Variants in CDCA2 observed in about 807,000 individuals in gnomAD.
CDCA2 encodes the protein cell division cycle-associated protein 2.
CDCA2 carries 44 observed loss-of-function variants against 67.0 expected under a neutral mutation model. The ratio of observed to expected loss-of-function variants is 0.66; its 90% confidence interval spans 0.52 to 0.84. The LOEUF (loss-of-function observed/expected upper bound fraction) is 0.84. CDCA2 is among the 40% of genes least tolerant of loss of function. The probability of loss-of-function intolerance (pLI) is 0.00; values close to 1 mark genes in which losing one functional copy is unlikely to be tolerated. For missense variants in CDCA2, 1,253 were observed against 1,203.2 expected, an observed-to-expected ratio of 1.04 and a Z score of -0.61; for synonymous variants, 447 against 418.7, an observed-to-expected ratio of 1.07 and a Z score of -0.82.
intron 8 of CDCA2, among the ~76,000 whole-genome samples, chr8:25,482,909 T>C (rs908700573): frequency 6.6e-6 from 1 of 152,122 alleles, no homozygotes; most frequent in Non-Finnish European, 1.5e-5. Context: ...TTACATGACA[T>C]TTACATTGTA....
chr8:25,467,048 AAAAAAAAAAAAAAAAAAAC>A (rs1215493129), intron 5 of CDCA2, among the ~76,000 whole-genome samples: 2 of 137,466 alleles, frequency 1.5e-5, no homozygotes, highest in Non-Finnish European at 3.1e-5. Flanking sequence ...TTTCAAAAAA[AAAAAAAAAAAAAAAAAAAC>A]ACACACACAC....
chr8:25,476,762 C>T (rs934885426), intron 7 of CDCA2, among the ~76,000 whole-genome samples: 3 of 151,884 alleles, frequency 2.0e-5, no homozygotes, highest in South Asian at 2.1e-4. Context: ...CCATGTTGGC[C>T]GGGCTGCTCT....
intron 7 of CDCA2, among the ~76,000 whole-genome samples, chr8:25,476,071 A>G (rs569066826): frequency 1.3e-5 from 2 of 152,300 alleles, no homozygotes; most frequent in Middle Eastern, 3.4e-3. Flanking sequence ...AAAGTTTCTT[A>G]CCACTTGTTT....
At position 25,507,610 on chromosome 8, in the gene CDCA2, A is replaced by G. The variant is rs1563289751; in HGVS notation, c.2944A>G (p.Thr982Ala). The change falls in exon 15 of 15, where the codon ACA becomes GCA. Residue 982 changes from threonine (T) to alanine (A), a missense_variant. Coordinates refer to ENST00000330560, the MANE Select transcript of CDCA2 (RefSeq NM_152562.4). ...GKRRKSFCIS[T>A]LANTKATSQF... ...GAGGAGGAAGAGCTTTTGTATATCTACACTTGCAAATACTAAAGCCACTTC... is the reference window on the plus strand; with the variant it reads ...GAGGAGGAAGAGCTTTTGTATATCTGCACTTGCAAATACTAAAGCCACTTC... 1.2e-6 allele frequency: 2 copies of G among 1,614,226 alleles called. No homozygotes were observed. Among genetic ancestry groups the G allele is most frequent in the South Asian group, 2.2e-5 (2 of 91,092 alleles).
chr8:25,483,097 C>CA (rs1803631965), intron 8 of CDCA2, among the ~76,000 whole-genome samples: 1 of 152,212 alleles, frequency 6.6e-6, no homozygotes, highest in South Asian at 2.1e-4. Context: ...TCTAGCTACT[C>CA]ACGTTTTCCT....
intron 13 of CDCA2, among the ~76,000 whole-genome samples, chr8:25,489,597 C>A (rs1244400172): frequency 6.6e-6 from 1 of 152,164 alleles, no homozygotes; most frequent in African/African-American, 2.4e-5. Flanking sequence ...TGACATCTGG[C>A]CTTCTTCTTC....
chr8:25,497,499 T>TA lies in CDCA2; in HGVS notation c.1672-5868dup, dbSNP rs1563281762. 4.8e-3 allele frequency among the ~76,000 whole-genome samples: 591 copies of TA among 122,628 alleles called. 7 individuals are homozygous for TA. The highest frequency in any genetic ancestry group is 0.022 in the South Asian group (89 of 3,962). 80.4% of individuals were successfully genotyped at this position (122,628 alleles called of 152,430 possible). A position where few individuals can be genotyped will look rare whatever the true frequency, so the allele number is the denominator to read the frequency against. ...ACTTACATGTGGAATCTTTAAAAAATAAAAAATAAAAAAAAAAAAAACTCA... is the reference window on the plus strand; with the variant it reads ...ACTTACATGTGGAATCTTTAAAAAATAAAAAAATAAAAAAAAAAAAAACTCA... On this transcript the variant is annotated intron_variant, in intron 13 of 14. Transcript: ENST00000330560.
At chr8:25,479,003 G>T (rs368551313) in intron 7 of CDCA2, among the ~76,000 whole-genome samples, 3 of 151,368 alleles carry the variant, frequency 2.0e-5, no homozygotes, top group Non-Finnish European at 4.4e-5. Context: ...CTAGTTTCCC[G>T]CAGTAGTGAC....
At chr8:25,460,893 C>A (rs1802656948) in intron 3 of CDCA2, among the ~76,000 whole-genome samples, 2 of 152,066 alleles carry the variant, frequency 1.3e-5, no homozygotes, top group African/African-American at 4.8e-5. Flanking sequence ...ATTTTGTTTT[C>A]ATTTATGGCA....
chr8:25,481,609 GA>G (rs1803574592), intron 8 of CDCA2, among the ~76,000 whole-genome samples: 1 of 152,016 alleles, frequency 6.6e-6, no homozygotes, highest in Non-Finnish European at 1.5e-5. Flanking sequence ...AGAATGGCGT[GA>G]ACCCAGGGGG....
rs1210673579 is a variant in CDCA2 at position 25,506,855 on chromosome 8, C to T, written c.2189C>T (p.Ala730Val). ...ERVASDSPKP[A>V]LTLQQGQEFS... Reference sequence around the variant, plus strand: ...GTGGCATCAGATAGTCCCAAACCTGCTCTGACCCTGCAGCAGGGTCAAGAA... The same window carrying T: ...GTGGCATCAGATAGTCCCAAACCTGTTCTGACCCTGCAGCAGGGTCAAGAA... Residue 730 changes from alanine (A) to valine (V), a missense_variant, in exon 15 of 15, where the codon GCT becomes GTT. Physicochemically the swap from Ala to Val is moderately conservative, Grantham distance 64. Transcript: ENST00000330560. 2 of 1,613,622 alleles carry T rather than the reference C, an allele frequency of 1.2e-6. No individual in the cohort carries two copies. Among genetic ancestry groups the T allele is most frequent in the Non-Finnish European group, 1.7e-6 (2 of 1,179,934 alleles).
At position 25,507,585 on chromosome 8, in the gene CDCA2, G is replaced by A. The variant is rs1394895911; in HGVS notation, c.2919G>A (p.Lys973=). The A allele has an allele frequency of 6.2e-7, 1 of 1,614,130 alleles. No homozygotes were observed. Among genetic ancestry groups the A allele is most frequent in the Admixed American group, 1.7e-5 (1 of 60,016 alleles). The change falls in exon 15 of 15, where the codon AAG becomes AAA. Residue 973 remains lysine (K), a synonymous_variant. Transcript: ENST00000330560. ...CTGGTTCTTCCGATGAACCTGGTAA[G>A]AGGAGGAAGAGCTTTTGTATATCTA... ...PAAGSSDEPG[K]RRKSFCISTL...
At chr8:25,487,418 T>G in intron 12 of CDCA2, 84 bp downstream of exon 12, 1 of 884,462 alleles carries the variant, frequency 1.1e-6, no homozygotes, top group Non-Finnish European at 1.8e-6. Context: ...TGATAATGGG[T>G]GAAATCTTAG....
rs1485568923 is a variant in CDCA2, at chr8:25,484,181, C to T, written c.1336C>T (p.Pro446Ser). 6.2e-7 allele frequency: 1 copy of T among 1,614,028 alleles called. No homozygotes were observed. The highest frequency in any genetic ancestry group is 1.3e-5 in the African/African-American group (1 of 74,936). Residue 446 changes from proline to serine, a missense_variant, in exon 10 of 15, where the codon CCA becomes TCA. Pro to Ser is a moderately conservative substitution (Grantham distance 74). Transcript: ENST00000330560. ...QSPVPEPLPQ[P>S]DFDDKGENLE... ...ACCTGTTCCTGAGCCATTACCTCAA[C>T]CAGATTTTGATGACAAGGGGGAGAA...
chr8:25,465,273 C>G (rs1456874487), intron 4 of CDCA2, among the ~76,000 whole-genome samples: 1 of 152,162 alleles, frequency 6.6e-6, no homozygotes, highest in African/African-American at 2.4e-5. Context: ...TGTGCCCAGC[C>G]TACTCTGTAT....
At chr8:25,476,727 T>C (rs1803366223) in intron 7 of CDCA2, among the ~76,000 whole-genome samples, 1 of 152,022 alleles carries the variant, frequency 6.6e-6, no homozygotes, top group African/African-American at 2.4e-5. Context: ...CTAATTTTTG[T>C]ATTTTTAGTA....
chr8:25,488,814 T>G, intron 13 of CDCA2, 125 bp downstream of exon 13: 13 of 867,468 alleles, frequency 1.5e-5, no homozygotes, highest in African/African-American at 1.8e-5. Flanking sequence ...AATGCAATCT[T>G]ACCGTGGAGT....
intron 4 of CDCA2, among the ~76,000 whole-genome samples, chr8:25,464,215 A>C (rs1486505766): frequency 6.6e-6 from 1 of 152,204 alleles, no homozygotes; most frequent in Non-Finnish European, 1.5e-5. Flanking sequence ...GGAGTTTGAG[A>C]CCAGCCTGGG....
chr8:25,470,548 T>C lies in CDCA2; in HGVS notation c.820+568T>C, dbSNP rs1348643601. 2.6e-5 allele frequency among the ~76,000 whole-genome samples: 4 copies of C among 152,194 alleles called. No individual in the cohort carries two copies. The East Asian group carries it at 5.8e-4, about 22-fold the overall frequency. Reference sequence around the variant, plus strand: ...TATTCACATCTGTCATTTTATCATATGTTTTCTATTCCTGATTATTGCTCT... The same window carrying C: ...TATTCACATCTGTCATTTTATCATACGTTTTCTATTCCTGATTATTGCTCT... On this transcript the variant is annotated intron_variant, in intron 7 of 14. Transcript: ENST00000330560.
Sources: gnomAD v4.1 joint callset for allele counts (sites outside exome capture counted in the v4.1 genomes callset) on GRCh38, gnomAD v4.1.1 for gene constraint, MANE v1.5 for transcripts, NCBI Gene and HGNC (gene_info 2026-07-23, HGNC 2026-07-21) for gene names.